The following SOX5 variants were observed in gnomAD, a reference collection of about 807,000 sequenced individuals.
SOX5 encodes the protein transcription factor SOX-5.
A neutral mutation model predicts 92.0 loss-of-function variants in SOX5; 9 were observed. The ratio of observed to expected loss-of-function variants is 0.10; its 90% CI spans 0.06 to 0.17. The LOEUF is 0.17. Ranked by LOEUF, SOX5 falls within the 10% of genes least tolerant of loss-of-function variation. SOX5 has a pLI of 1.00. For synonymous variants in SOX5, 344 were observed against 336.3 expected (o/e 1.02, Z -0.25); for missense variants, 642 against 944.5 (o/e 0.68, Z 4.20).
intron 1 of SOX5, among the ~76,000 whole-genome samples, chr12:24,457,431 C>G (rs1439432356): frequency 6.6e-6 from 1 of 152,146 alleles, no homozygotes; most frequent in Non-Finnish European, 1.5e-5. Flanking sequence ...TTTACCAATG[C>G]TAGGCTTTGA....
intron 7 of SOX5, among the ~76,000 whole-genome samples, chr12:23,650,080 A>C (rs964067742): frequency 2.0e-5 from 3 of 152,066 alleles, no homozygotes; most frequent in African/African-American, 7.2e-5. Context: ...GGGAAATATG[A>C]AAATCAACCC....
intron 1 of SOX5, among the ~76,000 whole-genome samples, chr12:24,428,491 GCCAGAT>G (rs1966953531): frequency 1.3e-5 from 2 of 151,824 alleles, no homozygotes; most frequent in East Asian, 3.9e-4. Context: ...AGCTAATTTG[GCCAGAT>G]GCGGTGGCTC....
chr12:23,949,667 A>C lies in SOX5; in HGVS notation c.-66T>G. Reference sequence around the variant, plus strand: ...ATGATCGTCTCCAACTGAACCTGTCAAGTGAGTCCAAACCTTCTAAACCAA... The same window carrying C: ...ATGATCGTCTCCAACTGAACCTGTCCAGTGAGTCCAAACCTTCTAAACCAA... On this transcript the variant is annotated 5_prime_UTR_variant, in exon 1 of 15. Transcript: ENST00000451604. The C allele has an allele frequency of 6.2e-7, 1 of 1,611,898 alleles. No homozygotes were observed. The highest frequency in any genetic ancestry group is 8.5e-7 in the Non-Finnish European group (1 of 1,179,052).
At chr12:24,204,327 A>AATTATTATT (rs1555173283) in intron 4 of SOX5, among the ~76,000 whole-genome samples, 1 of 149,888 alleles carries the variant, frequency 6.7e-6, no homozygotes, top group African/African-American at 2.4e-5. Flanking sequence ...TATTATTATT[A>AATTATTATT]ATTATTATTA....
chr12:24,500,729 T>G (rs1948109335), intron 1 of SOX5, among the ~76,000 whole-genome samples: 4 of 152,198 alleles, frequency 2.6e-5, no homozygotes, highest in Admixed American at 6.5e-5. Context: ...TGTTGAGAGT[T>G]CTTAGCTACC....
At chr12:23,545,185 G>C (rs1412028839) in intron 12 of SOX5, among the ~76,000 whole-genome samples, 1 of 152,170 alleles carries the variant, frequency 6.6e-6, no homozygotes, top group African/African-American at 2.4e-5. Context: ...GTAAACAGTT[G>C]TGTATATTGG....
chr12:24,527,912 A>C (rs1416470948), intron 1 of SOX5, among the ~76,000 whole-genome samples: 1 of 152,262 alleles, frequency 6.6e-6, no homozygotes, highest in African/African-American at 2.4e-5. Flanking sequence ...TATTTTATGA[A>C]GAGTGAATGA....
chr12:24,333,975 C>A (rs1178744226), intron 2 of SOX5, among the ~76,000 whole-genome samples: 2 of 150,940 alleles, frequency 1.3e-5, no homozygotes, highest in African/African-American at 4.9e-5. Context: ...TAATAAAAAC[C>A]AATGGAATCA....
intron 4 of SOX5, among the ~76,000 whole-genome samples, chr12:24,149,160 G>A (rs1385133610): frequency 6.6e-6 from 1 of 152,076 alleles, no homozygotes; most frequent in African/African-American, 2.4e-5. Context: ...TCTTTGTGGT[G>A]TTGGGTGAGG....
chr12:24,051,325 TTC>T (rs1265932433), intron 4 of SOX5, among the ~76,000 whole-genome samples: 2 of 152,142 alleles, frequency 1.3e-5, no homozygotes, highest in Non-Finnish European at 2.9e-5. Context: ...ACTAACATAA[TTC>T]TGTTACCAAG....
At chr12:24,207,509 T>C (rs916014937) in intron 4 of SOX5, among the ~76,000 whole-genome samples, 8 of 152,120 alleles carry the variant, frequency 5.3e-5, no homozygotes, top group Non-Finnish European at 1.2e-4. Flanking sequence ...TTCAAAAAAA[T>C]CCATAATGTA....
chr12:23,973,160 CTTTTTTTTTTTT>C (rs60609193), intron 4 of SOX5, among the ~76,000 whole-genome samples: 1 of 111,998 alleles, frequency 8.9e-6, no homozygotes, highest in Non-Finnish European at 1.8e-5. Context: ...TAACTTTTTT[CTTTTTTTTTTTT>C]TTTTTTTGAG....
chr12:23,666,029 T>A (rs1363188362), intron 6 of SOX5, among the ~76,000 whole-genome samples: 1 of 152,146 alleles, frequency 6.6e-6, no homozygotes, highest in African/African-American at 2.4e-5. Flanking sequence ...CAAATTCTCA[T>A]GTTCACACAT....
At chr12:23,956,114 C>T (rs1946251308) in intron 4 of SOX5, among the ~76,000 whole-genome samples, 1 of 152,144 alleles carries the variant, frequency 6.6e-6, no homozygotes, top group Non-Finnish European at 1.5e-5. Context: ...AAATTTCCTT[C>T]ATTTTTCAGT....
At chr12:24,265,567 T>C (rs150406300) in intron 3 of SOX5, among the ~76,000 whole-genome samples, 1 of 152,216 alleles carries the variant, frequency 6.6e-6, no homozygotes, top group East Asian at 1.9e-4. Context: ...AAAAATAATA[T>C]ATAAAGACTA....
At chr12:24,331,873 A>AAAAAAAAAAAAAAAAAAT (rs777785887) in intron 2 of SOX5, among the ~76,000 whole-genome samples, 1 of 141,198 alleles carries the variant, frequency 7.1e-6, no homozygotes, top group Non-Finnish European at 1.6e-5. Flanking sequence ...AAAAAAAAAA[A>AAAAAAAAAAAAAAAAAAT]AAGGAAAGAA....
intron 1 of SOX5, among the ~76,000 whole-genome samples, chr12:24,542,131 T>C (rs1952186753): frequency 6.6e-6 from 1 of 152,220 alleles, no homozygotes. Flanking sequence ...TTCTATGATA[T>C]ATGACCCCTG....
chr12:23,680,523 T>C (rs10842211), intron 6 of SOX5, among the ~76,000 whole-genome samples: 43,788 of 151,234 alleles, frequency 0.29, 6,604 homozygotes, highest in East Asian at 0.52. Flanking sequence ...TAAAATAAGA[T>C]GGTTTAACAA....
intron 1 of SOX5, among the ~76,000 whole-genome samples, chr12:24,445,530 G>T (rs556645519): frequency 6.6e-6 from 1 of 152,134 alleles, no homozygotes; most frequent in Non-Finnish European, 1.5e-5. Flanking sequence ...AACAGGTAAC[G>T]CAAGGAATAC....
Sources: gnomAD v4.1 joint callset for allele counts (sites outside exome capture counted in the v4.1 genomes callset) on GRCh38, gnomAD v4.1.1 for gene constraint, MANE v1.5 for transcripts, NCBI Gene and HGNC (gene_info 2026-07-23, HGNC 2026-07-21) for gene names.